PRKG1: variants seen among roughly 807,000 people sequenced by gnomAD.
The protein encoded by PRKG1 is protein kinase cGMP-dependent 1.
PRKG1 carries 35 observed loss-of-function variants against 88.1 expected under a neutral mutation model. The ratio of observed to expected loss-of-function variants is 0.40; its 90% CI spans 0.30 to 0.53. PRKG1 has a LOEUF of 0.53. Ranked by LOEUF, PRKG1 falls within the 20% of genes least tolerant of loss-of-function variation. The pLI, the probability that PRKG1 is intolerant of heterozygous loss-of-function variation, is 0.59. For synonymous variants in PRKG1, 303 were observed against 292.5 expected (o/e 1.04, Z -0.37); for missense variants, 540 against 839.8 (o/e 0.64, Z 4.41).
chr10:51,823,311 T>G (rs1329738947), intron 4 of PRKG1, among the ~76,000 whole-genome samples: 2 of 152,146 alleles, frequency 1.3e-5, no homozygotes, highest in East Asian at 3.8e-4. Context: ...TCCATGCTTT[T>G]GGGGAAAAAT....
intron 1 of PRKG1, among the ~76,000 whole-genome samples, chr10:51,016,673 CTTT>C (rs71029341): frequency 0.063 from 2,230 of 35,230 alleles, 193 homozygotes; most frequent in East Asian, 0.11. Flanking sequence ...ATTATCCTTT[CTTT>C]TTTTTTTTTT....
At chr10:51,894,625 G>GTAT (rs1841799282) in intron 4 of PRKG1, among the ~76,000 whole-genome samples, 2 of 152,134 alleles carry the variant, frequency 1.3e-5, no homozygotes, top group African/African-American at 4.8e-5. Flanking sequence ...TTGAATCAGG[G>GTAT]TATCCAATGA....
intron 7 of PRKG1, among the ~76,000 whole-genome samples, chr10:52,064,652 C>T (rs1289407966): frequency 6.6e-6 from 1 of 152,210 alleles, no homozygotes; most frequent in Non-Finnish European, 1.5e-5. Context: ...GGGCTCCTGC[C>T]TCCTCCCAGC....
chr10:52,096,562 T>C (rs1343335535), intron 7 of PRKG1, among the ~76,000 whole-genome samples: 3 of 152,184 alleles, frequency 2.0e-5, no homozygotes, highest in African/African-American at 7.2e-5. Context: ...TAAAAACAGT[T>C]GGACACTTGC....
chr10:51,178,631 C>G (rs1047411862), intron 2 of PRKG1, among the ~76,000 whole-genome samples: 3 of 152,104 alleles, frequency 2.0e-5, no homozygotes, highest in Non-Finnish European at 4.4e-5. Flanking sequence ...AGTGAGAACC[C>G]TGTCTCAAAA....
chr10:51,223,913 A>C (rs1838618299), intron 2 of PRKG1, among the ~76,000 whole-genome samples: 1 of 152,188 alleles, frequency 6.6e-6, no homozygotes, highest in Admixed American at 6.6e-5. Context: ...TTTACTTTGA[A>C]TACATTGCTG....
chr10:51,835,377 C>G (rs1489470323), intron 4 of PRKG1, among the ~76,000 whole-genome samples: 1 of 152,134 alleles, frequency 6.6e-6, no homozygotes, highest in African/African-American at 2.4e-5. Flanking sequence ...TCTGAAGGGA[C>G]AGATGCTGGC....
intron 5 of PRKG1, among the ~76,000 whole-genome samples, chr10:51,950,973 G>C (rs72801441): frequency 1.5e-3 from 226 of 152,354 alleles, no homozygotes; most frequent in Middle Eastern, 3.4e-3. Flanking sequence ...GTGTAGCTGA[G>C]TCCCGGAGCT....
intron 8 of PRKG1, among the ~76,000 whole-genome samples, chr10:52,157,610 G>A (rs10733902): frequency 6.6e-6 from 1 of 151,096 alleles, no homozygotes; most frequent in Non-Finnish European, 1.5e-5. Flanking sequence ...ACTGAATTAC[G>A]GTCATCCTTG....
At chr10:51,585,196 G>C (rs1301078472) in intron 3 of PRKG1, among the ~76,000 whole-genome samples, 1 of 152,028 alleles carries the variant, frequency 6.6e-6, no homozygotes, top group Non-Finnish European at 1.5e-5. Context: ...TGTGACTACT[G>C]TCTTCTTCAT....
At chr10:51,330,253 T>G (rs937956768) in intron 2 of PRKG1, among the ~76,000 whole-genome samples, 3 of 151,418 alleles carry the variant, frequency 2.0e-5, no homozygotes, top group African/African-American at 4.8e-5. Flanking sequence ...TGAGTTCAAG[T>G]GATTCTCCTG....
intron 2 of PRKG1, 23 bp from the exon 3 acceptor site, chr10:51,467,698 CAT>C (rs1159675860): frequency 6.5e-7 from 1 of 1,527,022 alleles, no homozygotes; most frequent in East Asian, 2.3e-5. Context: ...ATTTATATAA[CAT>C]GTTTTTCCCT....
intron 2 of PRKG1, among the ~76,000 whole-genome samples, chr10:51,367,077 G>C (rs1295674026): frequency 6.6e-6 from 1 of 151,852 alleles, no homozygotes; most frequent in Non-Finnish European, 1.5e-5. Context: ...TTACCCATTT[G>C]TTTTACTAGG....
At position 51,780,789 on chromosome 10, in the gene PRKG1, G is replaced by A. The variant is rs1838567557; in HGVS notation, c.593-23796G>A. On this transcript the variant is annotated intron_variant, in intron 3 of 17. Coordinates refer to ENST00000373980, the MANE Select transcript of PRKG1 (RefSeq NM_006258.4). ...AATTTTCTTCCAATAAAACTGCGAA[G>A]GTCATTAAGTTTGTTCCTGGTTATT... Among the ~76,000 whole-genome samples, 4 of 152,232 alleles carry A rather than the reference G, an allele frequency of 2.6e-5. No homozygotes were observed. The South Asian group carries it at 8.3e-4, about 32-fold the overall frequency.
chr10:51,969,709 A>G (rs1308744958), intron 5 of PRKG1, among the ~76,000 whole-genome samples: 2 of 152,056 alleles, frequency 1.3e-5, no homozygotes, highest in African/African-American at 4.8e-5. Flanking sequence ...AATCAAAACT[A>G]CAATGCAATA....
intron 3 of PRKG1, among the ~76,000 whole-genome samples, chr10:51,736,413 G>A (rs1837282061): frequency 6.6e-6 from 1 of 152,188 alleles, no homozygotes; most frequent in African/African-American, 2.4e-5. Flanking sequence ...ACTGTGCCCA[G>A]TTGGATACTT....
chr10:51,573,425 T>G (rs375081728), intron 3 of PRKG1, among the ~76,000 whole-genome samples: 7 of 151,910 alleles, frequency 4.6e-5, no homozygotes, highest in African/African-American at 1.4e-4. Context: ...TTTTGGTTGG[T>G]TTAAATGGGT....
chr10:51,674,199 T>C (rs1184118912), intron 3 of PRKG1, among the ~76,000 whole-genome samples: 5 of 152,176 alleles, frequency 3.3e-5, no homozygotes, highest in African/African-American at 1.2e-4. Flanking sequence ...CTTTAAGTTC[T>C]GGGGTACATG....
rs192403994 is a variant in PRKG1, at chr10:52,003,879, G to A, written c.763-50605G>A. Among the ~76,000 whole-genome samples the A allele has an allele frequency of 1.2e-3, 183 of 152,306 alleles. 4 individuals carry two copies. Among genetic ancestry groups the A allele is most frequent in the Non-Finnish European group, 1.0e-3 (71 of 68,026 alleles). ...TGCTCATGAGTAGGCTCTGAAGTCA[G>A]ACTTCCTGCACTGGTAGCTCAGCTC... On this transcript the variant is annotated intron_variant, in intron 5 of 17. Transcript: ENST00000373980.
Sources: allele counts gnomAD v4.1 joint callset (sites outside exome capture counted in the v4.1 genomes callset), GRCh38; gene constraint gnomAD v4.1.1; transcripts MANE v1.5; gene names NCBI Gene and HGNC (gene_info 2026-07-23, HGNC 2026-07-21).